The following KIF13A variants were observed in gnomAD, a reference collection of about 807,000 sequenced individuals.
KIF13A encodes kinesin family member 13A, also known as kinesin-like protein KIF13A.
Under a neutral mutation model 212.2 loss-of-function variants are expected in KIF13A, and 79 were observed. That is an observed-to-expected ratio of 0.37 (90% CI 0.31 to 0.45). The LOEUF is 0.45. Among genes scored for constraint, KIF13A ranks in the 20% least tolerant of loss-of-function variants. KIF13A has a pLI of 1.00. For synonymous variants in KIF13A, 789 were observed against 808.6 expected, an observed-to-expected ratio of 0.98 and a Z score of 0.41; for missense variants, 1,901 against 2,209.0, an observed-to-expected ratio of 0.86 and a Z score of 2.79.
chr6:17,903,664 A>G (rs762409362), intron 2 of KIF13A, among the ~76,000 whole-genome samples: 14 of 152,208 alleles, frequency 9.2e-5, no homozygotes, highest in Non-Finnish European at 1.9e-4. Context: ...GTGGTCAAGA[A>G]GAGAGAGGAT....
At position 17,896,685 on chromosome 6, in the gene KIF13A, C is replaced by A. The variant is rs191237082; in HGVS notation, c.159+1483G>T. On this transcript the variant is annotated intron_variant, in intron 3 of 38. Transcript: ENST00000259711. ...ATCCAGCAAAAATAAGGCTGGGAAC[C>A]ACTAGGCTATATATACTCACTAGAA... Among the ~76,000 whole-genome samples, 163 of 152,326 alleles carry A rather than the reference C, an allele frequency of 1.1e-3. 1 individual carries two copies. The highest frequency in any genetic ancestry group is 4.1e-3 in the Admixed American group (62 of 15,302).
At chr6:17,953,791 G>A (rs915305475) in intron 2 of KIF13A, 2 of 182,794 alleles carry the variant, frequency 1.1e-5, no homozygotes, top group Non-Finnish European at 2.4e-5. Context: ...ATGACGACAG[G>A]AGACTAGGGG....
In KIF13A at chr6:17,773,530, A is replaced by G; in HGVS notation, c.4272T>C (p.Asp1424=). The G allele has an allele frequency of 6.2e-7, 1 of 1,612,320 alleles. No individual in the cohort carries two copies. Among genetic ancestry groups the G allele is most frequent in the Non-Finnish European group, 8.5e-7 (1 of 1,178,734 alleles). ...DMSDYSSSYQ[D]VACYGTLPRD... ...TGGGTAAAGTTCCATAACATGCTAC[A>G]TCTTGGTAACTGGAGCTATAGTCAG... The change falls in exon 36 of 39, where the codon GAT becomes GAC. Residue 1424 remains aspartate (D), a synonymous_variant. Transcript: ENST00000259711. The surrounding 1 kb of genome is among the most constrained non-coding windows in gnomAD (Gnocchi z 4.2).
In KIF13A at chr6:17,883,414, A is replaced by G. The variant is rs1377823184; in HGVS notation, c.160-9977T>C. Among the ~76,000 whole-genome samples, 1 of 152,160 alleles carries G rather than the reference A, an allele frequency of 6.6e-6. No individual in the cohort carries two copies. Among genetic ancestry groups the G allele is most frequent in the Non-Finnish European group, 1.5e-5 (1 of 68,010 alleles). Reference sequence around the variant, plus strand: ...TGGTGAACTAACTACCTCTTAATCAATCATGTAAATCTGTTTTCACATGTG... The same window carrying G: ...TGGTGAACTAACTACCTCTTAATCAGTCATGTAAATCTGTTTTCACATGTG... On this transcript the variant is annotated intron_variant, in intron 3 of 38. Transcript: ENST00000259711. This position sits in a 1 kb window ranked among gnomAD's most constrained non-coding sequence, Gnocchi z 4.8.
Position 17,794,318 on chromosome 6 carries a change from G to C in KIF13A, c.3153C>G (p.Ile1051Met), listed in dbSNP as rs762249432. ...TTACACAGCCGATGGATACTGACAG[G>C]ATGGCTTCAACCATAAGTGGCAGTG... ...SGTLPLMVEA[I>M]LSVSIGCVTA... Residue 1051 changes from isoleucine (I) to methionine (M), a missense_variant, in exon 25 of 39, where the codon ATC becomes ATG. Coordinates refer to ENST00000259711, the MANE Select transcript of KIF13A (RefSeq NM_022113.6). The surrounding 1 kb of genome is among the most constrained non-coding windows in gnomAD (Gnocchi z 4.1). 1 of 1,613,284 alleles carries C rather than the reference G, an allele frequency of 6.2e-7. No homozygotes were observed. Among genetic ancestry groups the C allele is most frequent in the Non-Finnish European group, 8.5e-7 (1 of 1,179,298 alleles).
At chr6:17,885,369 CAGCT>C (rs1449804696) in intron 3 of KIF13A, among the ~76,000 whole-genome samples, 4 of 152,232 alleles carry the variant, frequency 2.6e-5, no homozygotes, top group African/African-American at 9.6e-5. Context: ...TGTCAAGTAA[CAGCT>C]GTCTTTTGGC....
At chr6:17,928,202 A>T (rs913516578) in intron 2 of KIF13A, among the ~76,000 whole-genome samples, 1 of 152,246 alleles carries the variant, frequency 6.6e-6, no homozygotes, top group Non-Finnish European at 1.5e-5. Context: ...TGCACAGTAC[A>T]GTTTCATGAA....
rs745777777 is a variant in KIF13A at position 17,888,816 on chromosome 6, C to A, written c.159+9352G>T. Among the ~76,000 whole-genome samples, 1 of 151,560 alleles carries A rather than the reference C, an allele frequency of 6.6e-6. No homozygotes were observed. Among genetic ancestry groups the A allele is most frequent in the Non-Finnish European group, 1.5e-5 (1 of 67,936 alleles). On this transcript the variant is annotated intron_variant, in intron 3 of 38. Transcript: ENST00000259711. The surrounding 1 kb of genome is among the most constrained non-coding windows in gnomAD (Gnocchi z 4.8). ...CTCCAGCCTGGGTGACAGAGTGAGA[C>A]CCTATCTCAAAAAAACAAAAAAGTA...
intron 3 of KIF13A, among the ~76,000 whole-genome samples, chr6:17,887,440 T>C (rs1313605709): frequency 1.3e-5 from 2 of 152,194 alleles, no homozygotes; most frequent in Non-Finnish European, 1.5e-5. Context: ...TCTATACTTA[T>C]CAATTATCTT....
intron 2 of KIF13A, among the ~76,000 whole-genome samples, chr6:17,921,626 G>A (rs894451975): frequency 1.3e-5 from 2 of 152,196 alleles, no homozygotes; most frequent in African/African-American, 2.4e-5. Context: ...CTCCCTCAGT[G>A]AGGACACAAT....
chr6:17,981,894 A>C (rs554236246), intron 2 of KIF13A, among the ~76,000 whole-genome samples: 1 of 152,166 alleles, frequency 6.6e-6, no homozygotes, highest in Non-Finnish European at 1.5e-5. Flanking sequence ...CTAATATTTA[A>C]ATTTCTGGTC....
chr6:17,842,622 A>C (rs1291754562), intron 9 of KIF13A, among the ~76,000 whole-genome samples: 13 of 152,124 alleles, frequency 8.5e-5, no homozygotes, highest in Non-Finnish European at 1.5e-5. Context: ...TCTCACCATA[A>C]GTTCTTAGGC....
At chr6:17,874,648 A>G (rs941741833) in intron 3 of KIF13A, among the ~76,000 whole-genome samples, 3 of 151,836 alleles carry the variant, frequency 2.0e-5, no homozygotes, top group African/African-American at 7.3e-5. Flanking sequence ...TTATTGGGGT[A>G]CAGGTGGTAT....
At chr6:17,853,776 G>T (rs1262733886) in intron 6 of KIF13A, among the ~76,000 whole-genome samples, 5 of 152,152 alleles carry the variant, frequency 3.3e-5, no homozygotes, top group Non-Finnish European at 7.4e-5. Flanking sequence ...ATTTGTAAAT[G>T]CTAAAGAAGA....
intron 9 of KIF13A, among the ~76,000 whole-genome samples, chr6:17,841,725 C>A (rs936561510): frequency 6.6e-6 from 1 of 152,134 alleles, no homozygotes; most frequent in Admixed American, 6.5e-5. Flanking sequence ...CTATTACCAT[C>A]CCCTTGGAAC....
intron 26 of KIF13A, among the ~76,000 whole-genome samples, chr6:17,788,743 A>T (rs953296903): frequency 3.3e-5 from 5 of 152,082 alleles, no homozygotes; most frequent in Admixed American, 6.6e-5. Flanking sequence ...TTTTTCCCCG[A>T]AACAGAGTTT....
intron 3 of KIF13A, among the ~76,000 whole-genome samples, chr6:17,896,146 T>C (rs1374247039): frequency 1.3e-5 from 2 of 152,112 alleles, no homozygotes; most frequent in African/African-American, 4.8e-5. Context: ...GTCCCCCGAA[T>C]ACTGTATTTT....
In KIF13A at chr6:17,783,281, T is replaced by C. The variant is rs1760770035; in HGVS notation, c.3544+365A>G. ...TAAGGCAGGGTTATAGTGTGATCAC[T>C]TCTGCCATCAAAACTATTTGAGGAG... On this transcript the variant is annotated intron_variant, in intron 29 of 38. Transcript: ENST00000259711. This position sits in a 1 kb window ranked among gnomAD's most constrained non-coding sequence, Gnocchi z 4.3. Among the ~76,000 whole-genome samples the C allele has an allele frequency of 1.3e-5, 2 of 152,204 alleles. No homozygotes were observed.
intron 22 of KIF13A, among the ~76,000 whole-genome samples, chr6:17,797,104 A>G (rs1314025732): frequency 6.6e-6 from 1 of 151,098 alleles, no homozygotes; most frequent in Non-Finnish European, 1.5e-5. Flanking sequence ...ATCTCCGCTC[A>G]CTACAAGCTC....
Sources: gnomAD v4.1 joint callset for allele counts (sites outside exome capture counted in the v4.1 genomes callset) on GRCh38, gnomAD v4.1.1 for gene constraint, Gnocchi (gnomAD v3.1) non-coding constraint, MANE v1.5 for transcripts, NCBI Gene and HGNC (gene_info 2026-07-23, HGNC 2026-07-21) for gene names.